The following KATNIP variants were observed in gnomAD, a reference collection of about 807,000 sequenced individuals.
The protein encoded by KATNIP is katanin-interacting protein.
A neutral mutation model predicts 174.0 loss-of-function variants in KATNIP; 126 were observed. The ratio of observed to expected loss-of-function variants is 0.72; its 90% CI spans 0.63 to 0.84. The LOEUF (loss-of-function observed/expected upper bound fraction) is 0.84. KATNIP is among the 40% of genes least tolerant of loss of function. The probability of loss-of-function intolerance (pLI) is 0.00; values close to 1 mark genes in which losing one functional copy is unlikely to be tolerated. For synonymous variants in KATNIP, 810 were observed against 835.7 expected (o/e 0.97, Z 0.53); for missense variants, 1,958 against 2,109.7 (o/e 0.93, Z 1.41).
At chr16:27,715,491 G>A (rs971460797) in intron 13 of KATNIP, among the ~76,000 whole-genome samples, 1 of 152,032 alleles carries the variant, frequency 6.6e-6, no homozygotes, top group Non-Finnish European at 1.5e-5. Flanking sequence ...ACACTGTCAA[G>A]AAAGTAAAAA....
At chr16:27,558,345 A>G (rs2089715682) in intron 1 of KATNIP, among the ~76,000 whole-genome samples, 2 of 151,890 alleles carry the variant, frequency 1.3e-5, no homozygotes, top group South Asian at 4.2e-4. Flanking sequence ...GGGGTTTCAT[A>G]TGTTGGCCAG....
intron 8 of KATNIP, among the ~76,000 whole-genome samples, chr16:27,691,959 C>A (rs2078750895): frequency 1.3e-5 from 2 of 152,236 alleles, no homozygotes; most frequent in African/African-American, 2.4e-5. Flanking sequence ...ATGAGACGAG[C>A]TTCCAAGCTA....
chr16:27,684,705 C>T (rs1392053701), intron 8 of KATNIP, among the ~76,000 whole-genome samples: 1 of 152,182 alleles, frequency 6.6e-6, no homozygotes, highest in African/African-American at 2.4e-5. Context: ...GGGGGTAGTC[C>T]ATTCCAGGCC....
At chr16:27,636,211 C>T (rs771812695) in intron 5 of KATNIP, among the ~76,000 whole-genome samples, 16 of 152,256 alleles carry the variant, frequency 1.1e-4, no homozygotes, top group Non-Finnish European at 1.6e-4. Flanking sequence ...CTGGCCCCCA[C>T]GCTGGGCCAT....
intron 18 of KATNIP, 126 bp from the exon 19 acceptor site, chr16:27,761,287 G>A: frequency 3.1e-6 from 3 of 960,930 alleles, no homozygotes; most frequent in Non-Finnish European, 4.5e-6. Flanking sequence ...CACCTGCAAG[G>A]CACTTTGGGT....
At chr16:27,554,250 G>A (rs1333800380) in intron 1 of KATNIP, among the ~76,000 whole-genome samples, 1 of 152,154 alleles carries the variant, frequency 6.6e-6, no homozygotes, top group African/African-American at 2.4e-5. Flanking sequence ...ATCACCTGAG[G>A]TCGGGAGTTT....
chr16:27,554,134 G>C (rs1230265564), intron 1 of KATNIP, among the ~76,000 whole-genome samples: 1 of 152,144 alleles, frequency 6.6e-6, no homozygotes, highest in Non-Finnish European at 1.5e-5. Context: ...CAGACTGCAA[G>C]CAGTTTTACC....
chr16:27,647,820 T>A (rs1209579530), intron 5 of KATNIP, among the ~76,000 whole-genome samples: 1 of 152,106 alleles, frequency 6.6e-6, no homozygotes, highest in African/African-American at 2.4e-5. Flanking sequence ...GTTAATTTTT[T>A]AAATTTTTTT....
intron 14 of KATNIP, among the ~76,000 whole-genome samples, chr16:27,736,266 G>T (rs1035443461): frequency 6.6e-6 from 1 of 152,200 alleles, no homozygotes; most frequent in African/African-American, 2.4e-5. Flanking sequence ...GCCTACCAAA[G>T]TGTTGGGATT....
chr16:27,754,569 T>C (rs1017497649), intron 18 of KATNIP: 3 of 313,812 alleles, frequency 9.6e-6, no homozygotes, highest in African/African-American at 2.2e-5. Flanking sequence ...ACCCAGAAAG[T>C]GTAGAACAAG....
At chr16:27,700,063 C>T (rs1230316166) in intron 10 of KATNIP, among the ~76,000 whole-genome samples, 2 of 151,892 alleles carry the variant, frequency 1.3e-5, no homozygotes, top group Non-Finnish European at 2.9e-5. Context: ...GGCGCACAGC[C>T]ACCACGCCTG....
At chr16:27,554,997 C>T (rs2089556207) in intron 1 of KATNIP, among the ~76,000 whole-genome samples, 1 of 151,904 alleles carries the variant, frequency 6.6e-6, no homozygotes, top group Admixed American at 6.6e-5. Context: ...GGGGTTTCAC[C>T]ATGTTGGTCA....
At chr16:27,704,734 C>G (rs972697514) in intron 12 of KATNIP, among the ~76,000 whole-genome samples, 15 of 152,038 alleles carry the variant, frequency 9.9e-5, no homozygotes, top group Non-Finnish European at 1.9e-4. Flanking sequence ...AGATATCAGC[C>G]TGACTGTAAA....
Position 27,648,870 on chromosome 16 carries a change from G to A in KATNIP, c.540+135G>A, listed in dbSNP as rs2077040934. ...CGCCGCTGTGTTCCTTCACTCTTGC[G>A]TTCATTTCACACAGTTTGATGAGCA... On this transcript the variant is annotated intron_variant, in intron 6 of 27. Transcript: ENST00000261588. The A allele has an allele frequency of 6.5e-6, 7 of 1,072,588 alleles. No homozygotes were observed. The Admixed American group carries it at 7.1e-5, about 11-fold the overall frequency. 66.4% of individuals were successfully genotyped at this position (1,072,588 alleles called of 1,614,324 possible). A position where few individuals can be genotyped will look rare whatever the true frequency, so the allele number is the denominator to read the frequency against.
At chr16:27,720,846 T>C (rs891129120) in intron 13 of KATNIP, among the ~76,000 whole-genome samples, 1 of 152,156 alleles carries the variant, frequency 6.6e-6, no homozygotes, top group African/African-American at 2.4e-5. Context: ...ATAGGTATTG[T>C]AGAAAGCCAA....
At chr16:27,725,279 T>A (rs2080400043) in intron 14 of KATNIP, among the ~76,000 whole-genome samples, 1 of 152,184 alleles carries the variant, frequency 6.6e-6, no homozygotes, top group South Asian at 2.1e-4. Flanking sequence ...GTATTTCCCA[T>A]CTTATAGACG....
intron 8 of KATNIP, among the ~76,000 whole-genome samples, chr16:27,695,344 A>G (rs1478971284): frequency 6.6e-6 from 1 of 151,884 alleles, no homozygotes; most frequent in Admixed American, 6.6e-5. Flanking sequence ...CGCTCCCCCA[A>G]TCCCTTTCAG....
In KATNIP at chr16:27,550,369, T is replaced by C. The variant is rs368155323; in HGVS notation, c.7+192T>C. On this transcript the variant is annotated intron_variant, in intron 1 of 27. Coordinates refer to ENST00000261588, the MANE Select transcript of KATNIP (RefSeq NM_015202.5). ...GAGAGCCTGGGGGAGTGGTCAGTGC[T>C]GTGACCATTCTGCTCGGCTGTGGTC... Among the ~76,000 whole-genome samples, 194 of 152,266 alleles carry C rather than the reference T, an allele frequency of 1.3e-3. 7 individuals are homozygous for C. The South Asian group carries it at 0.038, about 30-fold the overall frequency.
chr16:27,663,792 T>G (rs1282645524), intron 6 of KATNIP, among the ~76,000 whole-genome samples: 2 of 148,614 alleles, frequency 1.3e-5, no homozygotes, highest in Admixed American at 6.8e-5. Context: ...GTTTAGGGTG[T>G]TTTTTTTTTC....
Sources: gnomAD v4.1 joint callset for allele counts (sites outside exome capture counted in the v4.1 genomes callset) on GRCh38, gnomAD v4.1.1 for gene constraint, MANE v1.5 for transcripts, NCBI Gene and HGNC (gene_info 2026-07-23, HGNC 2026-07-21) for gene names.